CEP70: variants seen among roughly 807,000 people sequenced by gnomAD.
CEP70 encodes centrosomal protein of 70 kDa.
A neutral mutation model predicts 90.9 loss-of-function variants in CEP70; 70 were observed. The observed-to-expected ratio is 0.77, with a 90% CI of 0.64 to 0.94. CEP70 has a LOEUF of 0.94. Among genes scored for constraint, CEP70 ranks in the 40% least tolerant of loss-of-function variants. The pLI, the probability that CEP70 is intolerant of heterozygous loss-of-function variation, is 0.00. For synonymous variants in CEP70, 220 were observed against 228.3 expected (o/e 0.96, Z 0.33); for missense variants, 648 against 669.0 (o/e 0.97, Z 0.35).
chr3:138,572,550 A>C (rs2041247925), intron 3 of CEP70, among the ~76,000 whole-genome samples: 1 of 152,212 alleles, frequency 6.6e-6, no homozygotes, highest in African/African-American at 2.4e-5. Flanking sequence ...TTTTAAGATA[A>C]AGTAATTGTA....
intron 17 of CEP70, chr3:138,496,788 G>T (rs2108647336): frequency 4.1e-6 from 4 of 985,324 alleles, no homozygotes; most frequent in Non-Finnish European, 4.8e-6. Context: ...CCAAATTACA[G>T]AATTCATCTC....
intron 6 of CEP70, among the ~76,000 whole-genome samples, chr3:138,558,262 G>A (rs2040163022): frequency 6.6e-6 from 1 of 152,174 alleles, no homozygotes; most frequent in Non-Finnish European, 1.5e-5. Context: ...CTACTCAGGA[G>A]GCTGAAGTGG....
intron 2 of CEP70, among the ~76,000 whole-genome samples, chr3:138,585,770 C>T (rs2042077003): frequency 6.6e-6 from 1 of 152,084 alleles, no homozygotes; most frequent in Admixed American, 6.5e-5. Flanking sequence ...GACAAAGGTG[C>T]CAAGAACATA....
chr3:138,540,395 G>A (rs1028934009), intron 6 of CEP70, among the ~76,000 whole-genome samples: 4 of 151,660 alleles, frequency 2.6e-5, no homozygotes, highest in African/African-American at 9.7e-5. Context: ...GGAGGCTGAA[G>A]GAGGGGAATC....
intron 11 of CEP70, among the ~76,000 whole-genome samples, chr3:138,520,277 G>A (rs1560316333): frequency 6.6e-6 from 1 of 152,068 alleles, no homozygotes; most frequent in Non-Finnish European, 1.5e-5. Flanking sequence ...AGATCAACGA[G>A]ACAGAAAATT....
At chr3:138,584,949 A>C (rs2108260930) in intron 2 of CEP70, among the ~76,000 whole-genome samples, 1 of 152,266 alleles carries the variant, frequency 6.6e-6, no homozygotes, top group Middle Eastern at 3.4e-3. Flanking sequence ...GAAAGGAAAA[A>C]AGATTCAAAT....
intron 2 of CEP70, 161 bp from the exon 3 acceptor site, chr3:138,573,093 G>A (rs1048470672): frequency 1.7e-6 from 1 of 596,852 alleles, no homozygotes; most frequent in Admixed American, 3.0e-5. Context: ...AAAACTTTGT[G>A]ACTTCTTAGA....
intron 2 of CEP70, among the ~76,000 whole-genome samples, chr3:138,579,917 G>A (rs948456103): frequency 6.6e-5 from 10 of 151,978 alleles, no homozygotes; most frequent in Non-Finnish European, 1.3e-4. Flanking sequence ...AAGCTCTTGG[G>A]GTTCCCAATT....
intron 11 of CEP70, among the ~76,000 whole-genome samples, chr3:138,524,361 T>C (rs1272211176): frequency 1.3e-5 from 2 of 151,444 alleles, no homozygotes; most frequent in East Asian, 1.9e-4. Flanking sequence ...CAACAAAAGC[T>C]AAAATTGACA....
chr3:138,578,844 G>A (rs190536900), intron 2 of CEP70, among the ~76,000 whole-genome samples: 120 of 152,264 alleles, frequency 7.9e-4, no homozygotes, highest in African/African-American at 2.4e-3. Context: ...AGCCTCCACC[G>A]ATTGTCCTCC....
chr3:138,578,208 CTATT>C (rs2041657235), intron 2 of CEP70, among the ~76,000 whole-genome samples: 1 of 152,242 alleles, frequency 6.6e-6, no homozygotes, highest in South Asian at 2.1e-4. Context: ...AGAGAGCTAA[CTATT>C]TATATCAAAA....
In CEP70 at chr3:138,495,339, T is replaced by C. The variant is rs115687608; in HGVS notation, c.1733-263A>G. 9.7e-3 allele frequency among the ~76,000 whole-genome samples: 1,483 copies of C among 152,336 alleles called. 14 individuals carry two copies. The highest frequency in any genetic ancestry group is 0.017 in the Non-Finnish European group (1,132 of 68,024). On this transcript the variant is annotated intron_variant, in intron 17 of 17. Transcript: ENST00000264982. ...TCTAGTATTAACTTCATTAGCAGCA[T>C]GTCCTTATTAACAGATCCAACTGCC...
chr3:138,551,748 A>C (rs1429471448), intron 6 of CEP70, among the ~76,000 whole-genome samples: 9 of 126,556 alleles, frequency 7.1e-5, no homozygotes, highest in Admixed American at 7.5e-5. Flanking sequence ...CTCCATCTAA[A>C]AAAAAAAAAA....
chr3:138,545,107 T>C (rs1388755356), intron 6 of CEP70, among the ~76,000 whole-genome samples: 2 of 152,220 alleles, frequency 1.3e-5, no homozygotes, highest in Non-Finnish European at 1.5e-5. Flanking sequence ...AGGTGATGGA[T>C]ATCTCATTTA....
At chr3:138,554,553 G>A (rs2039858763) in intron 6 of CEP70, among the ~76,000 whole-genome samples, 1 of 152,130 alleles carries the variant, frequency 6.6e-6, no homozygotes. Context: ...CAATATGACT[G>A]TATACCTAGA....
At chr3:138,535,349 T>C (rs2038172333) in intron 7 of CEP70, among the ~76,000 whole-genome samples, 1 of 152,196 alleles carries the variant, frequency 6.6e-6, no homozygotes, top group African/African-American at 2.4e-5. Flanking sequence ...CACTAATTTC[T>C]CCCTATGTCA....
At position 138,500,593 on chromosome 3, in the gene CEP70, AAG is replaced by A. The variant is rs111605907; in HGVS notation, c.1369-28_1369-27del. The A allele has an allele frequency of 9.1e-3, 14,197 of 1,565,140 alleles. 1,075 individuals carry two copies. In the African/African-American group the frequency reaches 0.17, roughly 19 times the overall value. On this transcript the variant is annotated intron_variant, in intron 14 of 17. Coordinates refer to ENST00000264982, the MANE Select transcript of CEP70 (RefSeq NM_024491.4). ...CTGTCCAAAAAAGAGGTAAAAAAGA[AAG>A]AGTTCATTATCTTAAAATAATCCCA...
At chr3:138,585,667 G>A (rs189919247) in intron 2 of CEP70, among the ~76,000 whole-genome samples, 4 of 152,168 alleles carry the variant, frequency 2.6e-5, no homozygotes, top group African/African-American at 9.6e-5. Flanking sequence ...AACTAAAACA[G>A]CATACTACTG....
intron 17 of CEP70, 70 bp downstream of exon 17, chr3:138,497,961 G>A: frequency 2.5e-6 from 4 of 1,593,980 alleles, no homozygotes; most frequent in East Asian, 2.3e-5. Context: ...AGTGACCAAG[G>A]AACACCCTTT....
Sources: gnomAD v4.1 joint callset for allele counts (sites outside exome capture counted in the v4.1 genomes callset) on GRCh38, gnomAD v4.1.1 for gene constraint, MANE v1.5 for transcripts, NCBI Gene and HGNC (gene_info 2026-07-23, HGNC 2026-07-21) for gene names.